Variants in FGFR1 observed in about 807,000 individuals in gnomAD.
The protein encoded by FGFR1 is FGFR1/PLAG1 fusion.
In FGFR1, 18 loss-of-function variants were observed where a neutral mutation model predicts 93.7. The ratio of observed to expected loss-of-function variants is 0.19; its 90% confidence interval spans 0.13 to 0.28. FGFR1 has a LOEUF of 0.28. FGFR1 is among the 10% of genes least tolerant of loss of function. The pLI is 1.00. For missense variants in FGFR1, 731 were observed against 1,080.4 expected (o/e 0.68, Z 4.53); for synonymous variants, 448 against 429.3 (o/e 1.04, Z -0.54).
chr8:38,428,365 G>C lies in FGFR1; in HGVS notation c.429C>G (p.Asn143Lys). Reference protein sequence around the residue: ...DSSSEEKETDNTKPNRMPVAP... With the variant: ...DSSSEEKETDKTKPNRMPVAP... ...TCTCACGCATACGGTTTGGTTTGGT[G>C]TTATCTGTTTCTTTCTCCTCTGAAG... is the stretch of plus-strand genomic sequence containing the variant. Residue 143 changes from asparagine to lysine, a missense_variant, in exon 4 of 18, where the codon AAC becomes AAG. By Grantham distance (94) the Asn-to-Lys change is moderately conservative. Around this residue, in one of 10 missense-constraint regions of FGFR1, gnomAD observed 212 missense variants for 205.8 expected, o/e 1.03. Coordinates refer to ENST00000447712, the MANE Select transcript of FGFR1 (RefSeq NM_023110.3). 6.2e-7 allele frequency: 1 copy of C among 1,614,118 alleles called. No individual in the cohort carries two copies.
chr8:38,431,399 C>G (rs1823066887), intron 2 of FGFR1, among the ~76,000 whole-genome samples: 1 of 152,212 alleles, frequency 6.6e-6, no homozygotes, highest in Non-Finnish European at 1.5e-5. Flanking sequence ...ACCTTTAAAT[C>G]CCCAGCACCT....
intron 2 of FGFR1, among the ~76,000 whole-genome samples, chr8:38,452,533 T>C (rs933510668): frequency 6.6e-6 from 1 of 152,118 alleles, no homozygotes; most frequent in Admixed American, 6.5e-5. Flanking sequence ...CCCAGCTAAT[T>C]TTTAAAATTT....
intron 2 of FGFR1, among the ~76,000 whole-genome samples, chr8:38,454,973 C>CTTTTTTT (rs11434747): frequency 9.0e-6 from 1 of 111,176 alleles, no homozygotes; most frequent in Non-Finnish European, 1.8e-5. Flanking sequence ...TCTTTTCTTG[C>CTTTTTTT]TTTTTTTTTT....
chr8:38,462,903 T>G (rs1295004704), intron 1 of FGFR1, among the ~76,000 whole-genome samples: 17 of 25,446 alleles, frequency 6.7e-4, no homozygotes, highest in Non-Finnish European at 1.3e-3. Context: ...TGTGCCTGGC[T>G]TTTTTTTTTT....
intron 2 of FGFR1, among the ~76,000 whole-genome samples, chr8:38,431,126 G>A (rs1014318955): frequency 1.3e-5 from 2 of 152,114 alleles, no homozygotes; most frequent in African/African-American, 4.8e-5. Context: ...AGCGACTGCC[G>A]CTCCCCGATG....
Position 38,426,265 on chromosome 8 carries a change from G to A in FGFR1, c.622-20C>T, listed in dbSNP as rs2150867711. On this transcript the variant is annotated intron_variant, in intron 5 of 17. Coordinates refer to ENST00000447712, the MANE Select transcript of FGFR1 (RefSeq NM_023110.3). This position sits in a 1 kb window ranked among gnomAD's most constrained non-coding sequence, Gnocchi z 4.1. ...ACGGACCTGAGGGGAAATGCCAAAGGGATACATTGAGGGTCCAGAGGAAAA... is the reference window on the plus strand; with the variant it reads ...ACGGACCTGAGGGGAAATGCCAAAGAGATACATTGAGGGTCCAGAGGAAAA... 6.2e-7 allele frequency: 1 copy of A among 1,613,800 alleles called. No individual in the cohort carries two copies. The highest frequency in any genetic ancestry group is 1.3e-5 in the African/African-American group (1 of 75,008).
At chr8:38,418,487 G>T in intron 9 of FGFR1, 114 bp from the exon 10 acceptor site, 1 of 1,287,222 alleles carries the variant, frequency 7.8e-7, no homozygotes, top group Non-Finnish European at 1.1e-6. Flanking sequence ...TGTATCTGAT[G>T]TTCTTTCCTC....
At chr8:38,460,145 T>C (rs1391657761) in intron 1 of FGFR1, among the ~76,000 whole-genome samples, 10 of 152,276 alleles carry the variant, frequency 6.6e-5, no homozygotes, top group Middle Eastern at 3.4e-3. Flanking sequence ...ATTGCATCAC[T>C]GCACTCCAGC....
At chr8:38,421,078 A>G (rs1302564246) in intron 8 of FGFR1, among the ~76,000 whole-genome samples, 1 of 152,134 alleles carries the variant, frequency 6.6e-6, no homozygotes, top group Non-Finnish European at 1.5e-5. Context: ...GAACAGCCAG[A>G]CCCACATGCA....
At chr8:38,452,196 C>G (rs1051804118) in intron 2 of FGFR1, among the ~76,000 whole-genome samples, 5 of 96,760 alleles carry the variant, frequency 5.2e-5, no homozygotes, top group African/African-American at 1.9e-4. Flanking sequence ...CACACAGACA[C>G]ACAGACACAC....
At position 38,424,798 on chromosome 8, in the gene FGFR1, G is replaced by T; in HGVS notation, c.746-99C>A. 8.1e-7 allele frequency: 1 copy of T among 1,238,438 alleles called. No homozygotes were observed. The highest frequency in any genetic ancestry group is 1.1e-6 in the Non-Finnish European group (1 of 877,646). 76.7% of individuals were successfully genotyped at this position (1,238,438 alleles called of 1,614,324 possible). ...CCCCACTTGGCTTTCCCAGTGATGG[G>T]TTGTAAACCTCCCAGCACTTCTGCT... On this transcript the variant is annotated intron_variant, in intron 6 of 17. Transcript: ENST00000447712. The surrounding 1 kb of genome is among the most constrained non-coding windows in gnomAD (Gnocchi z 4.3).
At position 38,414,260 on chromosome 8, in the gene FGFR1, A is replaced by G. The variant is rs2150535986; in HGVS notation, c.2078T>C (p.Ile693Thr). ...VWSFGVLLWE[I>T]FTLGGSPYPG... ...GTATGGGGAGCCGCCCAGAGTGAAG[A>G]TCTCCCACAGGAGCACCCCGAAAGA... is the stretch of plus-strand genomic sequence containing the variant. Residue 693 changes from isoleucine to threonine, a missense_variant, in exon 16 of 18, where the codon ATC becomes ACC. By Grantham distance (89) the Ile-to-Thr change is moderately conservative. Coordinates refer to ENST00000447712, the MANE Select transcript of FGFR1 (RefSeq NM_023110.3). The G allele has an allele frequency of 6.2e-7, 1 of 1,614,074 alleles. No individual in the cohort carries two copies. Among genetic ancestry groups the G allele is most frequent in the Non-Finnish European group, 8.5e-7 (1 of 1,179,988 alleles).
chr8:38,464,918 ATAC>A (rs1835181373), intron 1 of FGFR1, among the ~76,000 whole-genome samples: 1 of 152,228 alleles, frequency 6.6e-6, no homozygotes, highest in African/African-American at 2.4e-5. Context: ...CCCCAAGTTC[ATAC>A]CAGCAAATCT....
intron 12 of FGFR1, among the ~76,000 whole-genome samples, 158 bp downstream of exon 12, chr8:38,417,148 C>G (rs530962780): frequency 1.6e-4 from 25 of 152,290 alleles, no homozygotes; most frequent in African/African-American, 6.0e-4. Context: ...CACCAATGAG[C>G]GGAGCCCAGA....
intron 2 of FGFR1, among the ~76,000 whole-genome samples, chr8:38,443,133 G>A (rs181306623): frequency 6.6e-6 from 1 of 152,324 alleles, no homozygotes; most frequent in East Asian, 1.9e-4. Context: ...CAGGTAAGGT[G>A]TCAGGGAAGG....
chr8:38,431,344 G>A (rs2150986386), intron 2 of FGFR1, among the ~76,000 whole-genome samples: 1 of 152,322 alleles, frequency 6.6e-6, no homozygotes, highest in Admixed American at 6.5e-5. Flanking sequence ...TCACACTGAA[G>A]GGCAGTCCTC....
At position 38,429,385 on chromosome 8, in the gene FGFR1, G is replaced by A. The variant is rs752010130; in HGVS notation, c.358+297C>T. The A allele has an allele frequency of 5.9e-6, 4 of 672,494 alleles. No individual in the cohort carries two copies. Among genetic ancestry groups the A allele is most frequent in the South Asian group, 4.3e-5 (3 of 70,498 alleles). The allele number at this position is 672,494 out of a possible 1,614,324, so 41.7% of individuals were successfully genotyped here. On this transcript the variant is annotated intron_variant, in intron 3 of 17. Transcript: ENST00000447712. This position sits in a 1 kb window ranked among gnomAD's most constrained non-coding sequence, Gnocchi z 4.4. Reference sequence around the variant, plus strand: ...CACCACTTAGCCTCCTGGAGATCTGGGCAAGCTGTGGTGGAAAAAAATCAC... The same window carrying A: ...CACCACTTAGCCTCCTGGAGATCTGAGCAAGCTGTGGTGGAAAAAAATCAC...
chr8:38,419,903 C>G, intron 8 of FGFR1, 168 bp from the exon 9 acceptor site: 2 of 619,572 alleles, frequency 3.2e-6, no homozygotes, highest in Non-Finnish European at 5.7e-6. Context: ...GAGGATCAGG[C>G]AACCCCCTGA....
rs1393065500 is a variant in FGFR1, at chr8:38,416,066, G to A, written c.1664-6C>T. The A allele has an allele frequency of 6.2e-7, 1 of 1,608,940 alleles. No individual in the cohort carries two copies. Among genetic ancestry groups the A allele is most frequent in the Non-Finnish European group, 8.5e-7 (1 of 1,178,914 alleles). On this transcript the variant is annotated splice_region_variant and splice_polypyrimidine_tract_variant and intron_variant, in intron 12 of 17. Transcript: ENST00000447712. ...CACGATGACATACAAGGGACCTGCA[G>A]GCACAGGAGAAGAGGCCATGGGGCC...
Sources: allele counts gnomAD v4.1 joint callset (sites outside exome capture counted in the v4.1 genomes callset), GRCh38; gene constraint gnomAD v4.1.1; regional missense constraint gnomAD v4.1.1; non-coding constraint Gnocchi (gnomAD v3.1); transcripts MANE v1.5; gene names NCBI Gene and HGNC (gene_info 2026-07-23, HGNC 2026-07-21).